The following WNT2 variants were observed in gnomAD, a reference collection of about 807,000 sequenced individuals.
The protein encoded by WNT2 is Wnt family member 2, also known as protein Wnt-2.
In WNT2, 12 loss-of-function variants were observed where a neutral mutation model predicts 36.9. The ratio of observed to expected loss-of-function variants is 0.33; its 90% CI spans 0.21 to 0.53. The LOEUF is 0.53. Among genes scored for constraint, WNT2 ranks in the 20% least tolerant of loss-of-function variants. The probability of loss-of-function intolerance (pLI) is 0.95; values close to 1 mark genes in which losing one functional copy is unlikely to be tolerated. For missense variants in WNT2, 379 were observed against 473.1 expected (o/e 0.80, Z 1.84); for synonymous variants, 163 against 174.6 (o/e 0.93, Z 0.52).
chr7:117,313,045 C>T (rs541858494), intron 3 of WNT2, among the ~76,000 whole-genome samples: 3 of 152,256 alleles, frequency 2.0e-5, no homozygotes, highest in South Asian at 2.1e-4. Flanking sequence ...CTGATGTTAC[C>T]GTCAGCCCTG....
intron 3 of WNT2, among the ~76,000 whole-genome samples, chr7:117,298,588 C>A (rs1317035134): frequency 6.6e-6 from 1 of 152,126 alleles, no homozygotes; most frequent in Non-Finnish European, 1.5e-5. Context: ...CTGGGACAAG[C>A]TCATCTCGGC....
At chr7:117,290,780 A>G (rs1794676062) in intron 4 of WNT2, among the ~76,000 whole-genome samples, 1 of 152,220 alleles carries the variant, frequency 6.6e-6, no homozygotes. Context: ...AGTCGATGAC[A>G]CCACGAGGAT....
intron 4 of WNT2, among the ~76,000 whole-genome samples, chr7:117,288,709 A>T (rs1794630455): frequency 1.3e-5 from 2 of 152,092 alleles, no homozygotes; most frequent in African/African-American, 4.8e-5. Context: ...CCTGAAAAGT[A>T]TCTTTTTTTT....
intron 4 of WNT2, among the ~76,000 whole-genome samples, chr7:117,278,978 G>C (rs1039519983): frequency 6.6e-6 from 1 of 152,156 alleles, no homozygotes; most frequent in East Asian, 1.9e-4. Flanking sequence ...GCCCCACCAG[G>C]TTTATCATAT....
Position 117,275,882 on chromosome 7 carries a change from C to G in WNT2, c.*2273G>C, listed in dbSNP as rs886371766. Among the ~76,000 whole-genome samples, 6 of 152,182 alleles carry G rather than the reference C, an allele frequency of 3.9e-5. No individual in the cohort carries two copies. Among genetic ancestry groups the G allele is most frequent in the Non-Finnish European group, 8.8e-5 (6 of 68,036 alleles). On this transcript the variant is annotated 3_prime_UTR_variant, in exon 5 of 5. Coordinates refer to ENST00000265441, the MANE Select transcript of WNT2 (RefSeq NM_003391.3). ...TTAGGACAATTTATGTAGGTTCCTA[C>G]GTGGATATCCTTGTCCCCTTGCTAC... is the stretch of plus-strand genomic sequence containing the variant.
rs1345203144 is a variant in WNT2 at position 117,277,269 on chromosome 7, A to G, written c.*886T>C. The G allele has an allele frequency of 1.3e-5, 2 of 152,200 alleles. No individual in the cohort carries two copies. Among genetic ancestry groups the G allele is most frequent in the African/African-American group, 4.8e-5 (2 of 41,430 alleles). The allele number at this position is 152,200 out of a possible 1,614,324, so 9.4% of individuals were successfully genotyped here. A position where few individuals can be genotyped will look rare whatever the true frequency, so the allele number is the denominator to read the frequency against. ...ATTCTCCCTTTTTTTCTTGATCTGT[A>G]CAGATATACTTCTGATATTCCATCC... is the stretch of plus-strand genomic sequence containing the variant. On this transcript the variant is annotated 3_prime_UTR_variant, in exon 5 of 5. Coordinates refer to ENST00000265441, the MANE Select transcript of WNT2 (RefSeq NM_003391.3).
intron 4 of WNT2, among the ~76,000 whole-genome samples, chr7:117,295,752 G>C (rs1418058929): frequency 6.6e-6 from 1 of 152,216 alleles, no homozygotes; most frequent in Admixed American, 6.5e-5. Flanking sequence ...CAAGGGATCA[G>C]ACATCCACCC....
chr7:117,313,288 T>G (rs1371785613), intron 3 of WNT2, among the ~76,000 whole-genome samples: 10 of 152,204 alleles, frequency 6.6e-5, no homozygotes, highest in African/African-American at 2.4e-4. Context: ...ATCATGCATC[T>G]CCTTGAAAAA....
In WNT2 at chr7:117,281,342, A is replaced by C. The variant is rs73478591; in HGVS notation, c.854-2958T>G. 3.0e-3 allele frequency among the ~76,000 whole-genome samples: 462 copies of C among 152,224 alleles called. 3 individuals are homozygous for C. Among genetic ancestry groups the C allele is most frequent in the African/African-American group, 0.011 (443 of 41,532 alleles). Reference sequence around the variant, plus strand: ...AGCCTCGACCTCCTGGGCTCAAGGAATTCTCCCATCTCAGCCTCTCAAGTG... The same window carrying C: ...AGCCTCGACCTCCTGGGCTCAAGGACTTCTCCCATCTCAGCCTCTCAAGTG... On this transcript the variant is annotated intron_variant, in intron 4 of 4. Coordinates refer to ENST00000265441, the MANE Select transcript of WNT2 (RefSeq NM_003391.3).
At position 117,288,360 on chromosome 7, in the gene WNT2, T is replaced by C. The variant is rs116042043; in HGVS notation, c.853+9252A>G. Among the ~76,000 whole-genome samples the C allele has an allele frequency of 4.7e-3, 709 of 152,322 alleles. 8 individuals are homozygous for C. The highest frequency in any genetic ancestry group is 0.016 in the African/African-American group (682 of 41,562). On this transcript the variant is annotated intron_variant, in intron 4 of 4. Transcript: ENST00000265441. The stretch of plus-strand genomic sequence containing the variant: ...GAAGTTAATTTGCCCATTAGTCCAA[T>C]TGGAGAAATAGTGATATGCAGCAAT...
intron 3 of WNT2, among the ~76,000 whole-genome samples, chr7:117,301,568 A>C (rs1288049796): frequency 6.6e-6 from 1 of 152,234 alleles, no homozygotes; most frequent in Non-Finnish European, 1.5e-5. Context: ...TTATCTAATT[A>C]TCACCGTCAG....
At chr7:117,319,739 T>C (rs1404553652) in intron 2 of WNT2, among the ~76,000 whole-genome samples, 1 of 152,228 alleles carries the variant, frequency 6.6e-6, no homozygotes, top group African/African-American at 2.4e-5. Context: ...TGAGCTACTT[T>C]CCATATTCAG....
intron 3 of WNT2, among the ~76,000 whole-genome samples, chr7:117,311,180 G>A (rs1234189558): frequency 6.6e-6 from 1 of 152,084 alleles, no homozygotes; most frequent in Non-Finnish European, 1.5e-5. Flanking sequence ...TGGCAGTTAG[G>A]TTTTCAGCAC....
At position 117,315,281 on chromosome 7, in the gene WNT2, G is replaced by A; in HGVS notation, c.378C>T (p.Ala126=). The change falls in exon 3 of 5, where the codon GCC becomes GCT. Residue 126 remains alanine, a synonymous_variant. Coordinates refer to ENST00000265441, the MANE Select transcript of WNT2 (RefSeq NM_003391.3). The part of the protein sequence containing the change: ...SAGVVFAITR[A]CSQGEVKSCS... ...AGGATTTTACTTCTCCTTGGCTACA[G>A]GCCCTGGTGATGGCAAATACAACTC... The A allele has an allele frequency of 6.2e-7, 1 of 1,614,188 alleles. No individual in the cohort carries two copies. The highest frequency in any genetic ancestry group is 8.5e-7 in the Non-Finnish European group (1 of 1,180,020).
chr7:117,285,531 C>T (rs1415721645), intron 4 of WNT2, among the ~76,000 whole-genome samples: 2 of 152,222 alleles, frequency 1.3e-5, no homozygotes, highest in Non-Finnish European at 2.9e-5. Flanking sequence ...CCATTTCCAA[C>T]AGCCATCTTG....
At chr7:117,285,432 A>T (rs890618455) in intron 4 of WNT2, among the ~76,000 whole-genome samples, 1 of 152,214 alleles carries the variant, frequency 6.6e-6, no homozygotes, top group South Asian at 2.1e-4. Flanking sequence ...AGAGAAGCCA[A>T]TAGCATCAAT....
chr7:117,301,050 T>C (rs976826310), intron 3 of WNT2: 2 of 151,548 alleles, frequency 1.3e-5, no homozygotes, highest in Admixed American at 6.6e-5. Context: ...CTTTCCTCCT[T>C]TTTTTAGTGC....
At chr7:117,314,477 G>C (rs1795177363) in intron 3 of WNT2, among the ~76,000 whole-genome samples, 2 of 152,178 alleles carry the variant, frequency 1.3e-5, no homozygotes, top group Non-Finnish European at 2.9e-5. Context: ...CAGGAAGTTA[G>C]TCAGGTCTAG....
chr7:117,322,930 G>A lies in WNT2; in HGVS notation c.60C>T (p.Thr20=). The A allele has an allele frequency of 6.2e-7, 1 of 1,613,910 alleles. No homozygotes were observed. Among genetic ancestry groups the A allele is most frequent in the Non-Finnish European group, 8.5e-7 (1 of 1,180,030 alleles). The change falls in exon 1 of 5, where the codon ACC becomes ACT. Residue 20 remains threonine, a synonymous_variant. Coordinates refer to ENST00000265441, the MANE Select transcript of WNT2 (RefSeq NM_003391.3). The surrounding 1 kb of genome is among the most constrained non-coding windows in gnomAD (Gnocchi z 5.4). ...LWLPLLLTWL[T]PEVNSSWWYM... is the part of the protein sequence containing the mutation. ...ACCACCATGAAGAGTTGACCTCGGG[G>A]GTGAGCCAGGTCAAGAGCAGAGGGA...
Sources: gnomAD v4.1 joint callset for allele counts (sites outside exome capture counted in the v4.1 genomes callset) on GRCh38, gnomAD v4.1.1 for gene constraint, Gnocchi (gnomAD v3.1) non-coding constraint, MANE v1.5 for transcripts, NCBI Gene and HGNC (gene_info 2026-07-23, HGNC 2026-07-21) for gene names.